KIF1C: variants seen among roughly 807,000 people sequenced by gnomAD.
KIF1C encodes the protein kinesin-like protein KIF1C.
KIF1C carries 61 observed loss-of-function variants against 126.5 expected under a neutral mutation model. The observed-to-expected ratio is 0.48, with a 90% CI of 0.39 to 0.60. KIF1C has a LOEUF of 0.60. Among genes scored for constraint, KIF1C ranks in the 20% least tolerant of loss-of-function variants. KIF1C has a pLI of 0.00. For missense variants in KIF1C, 1,315 were observed against 1,489.2 expected (o/e 0.88, Z 1.93); for synonymous variants, 640 against 580.6 (o/e 1.10, Z -1.47).
rs908878176 is a variant in KIF1C, at chr17:5,022,683, A to G, written c.2602A>G (p.Met868Val). ...LQALRDRMLR[M>V]ERVIPLAQDH... ...GGCCCTGCGGGACCGCATGCTCCGC[A>G]TGGAGAGGGTCATCCCCCTGGCCCA... The change falls in exon 22 of 23, where the codon ATG becomes GTG. Residue 868 changes from methionine to valine, a missense_variant. By Grantham distance (21) the Met-to-Val change is conservative (BLOSUM62 1). Coordinates refer to ENST00000320785, the MANE Select transcript of KIF1C (RefSeq NM_006612.6). The surrounding 1 kb of genome is among the most constrained non-coding windows in gnomAD (Gnocchi z 4.9). 6.4e-7 allele frequency: 1 copy of G among 1,566,988 alleles called. No individual in the cohort carries two copies. The highest frequency in any genetic ancestry group is 1.2e-5 in the South Asian group (1 of 83,170).
intron 13 of KIF1C, among the ~76,000 whole-genome samples, chr17:5,005,898 T>A (rs1974719107): frequency 6.6e-6 from 1 of 151,818 alleles, no homozygotes; most frequent in South Asian, 2.1e-4. Flanking sequence ...GGCTAATTTT[T>A]GTATTTTTAG....
Position 5,007,452 on chromosome 17 carries a change from C to T in KIF1C, c.1416-15C>T, listed in dbSNP as rs766264840. 8.1e-6 allele frequency: 13 copies of T among 1,602,708 alleles called. No individual in the cohort carries two copies. The East Asian group carries it at 1.3e-4, about 17-fold the overall frequency. ...GTGAAGGTAAGACTGACATTTGCCT[C>T]TCCTCTGCCCACAGAGAAGCATTGC... On this transcript the variant is annotated splice_polypyrimidine_tract_variant and intron_variant, in intron 15 of 22. Coordinates refer to ENST00000320785, the MANE Select transcript of KIF1C (RefSeq NM_006612.6).
intron 17 of KIF1C, chr17:5,014,221 G>T: frequency 5.8e-6 from 1 of 172,458 alleles, no homozygotes; most frequent in Non-Finnish European, 1.2e-5. Context: ...GTCCTTGGTA[G>T]TCATCTTGGG....
intron 18 of KIF1C, among the ~76,000 whole-genome samples, chr17:5,016,833 G>C (rs1974981286): frequency 6.6e-6 from 1 of 151,138 alleles, no homozygotes; most frequent in Non-Finnish European, 1.5e-5. Context: ...TTGAACCTGG[G>C]AAGTGGAGGT....
At chr17:5,012,948 T>C (rs535692151) in intron 16 of KIF1C, among the ~76,000 whole-genome samples, 1 of 152,188 alleles carries the variant, frequency 6.6e-6, no homozygotes, top group African/African-American at 2.4e-5. Context: ...CAGGATGGAC[T>C]TGGCTGGGGG....
chr17:5,011,325 G>A (rs1278225126), intron 16 of KIF1C, among the ~76,000 whole-genome samples: 1 of 152,172 alleles, frequency 6.6e-6, no homozygotes, highest in Non-Finnish European at 1.5e-5. Flanking sequence ...CACCACCAGG[G>A]CTAAGGATTG....
rs753249003 is a variant in KIF1C at position 5,002,859 on chromosome 17, C to A, written c.720+17C>A. Reference sequence around the variant, plus strand: ...TCGGAGAAGGTGGGATCGCCCCCCCCCCCACTCCCCCACCGGATGCAACCT... The same window carrying A: ...TCGGAGAAGGTGGGATCGCCCCCCCACCCACTCCCCCACCGGATGCAACCT... On this transcript the variant is annotated intron_variant, in intron 8 of 22. Transcript: ENST00000320785. 2 of 1,578,402 alleles carry A rather than the reference C, an allele frequency of 1.3e-6. No individual in the cohort carries two copies. Among genetic ancestry groups the A allele is most frequent in the Non-Finnish European group, 1.7e-6 (2 of 1,152,506 alleles).
In KIF1C at chr17:5,003,637, T is replaced by C; in HGVS notation, c.746T>C (p.Leu249Pro). The change falls in exon 9 of 23, where the codon CTT becomes CCT. Residue 249 changes from leucine to proline, a missense_variant. Physicochemically the swap from Leu to Pro is moderately conservative, Grantham distance 98. This residue lies in a region of KIF1C where 874 missense variants were observed against 1,053.2 expected (regional missense o/e 0.83). Transcript: ENST00000320785. ...EKVSKISLVDLAGSERADSSG... is the reference protein window; with the variant it reads ...EKVSKISLVDPAGSERADSSG... ...GTCAGTAAGATCAGTTTGGTGGACC[T>C]TGCTGGGAGTGAGCGAGCCGACTCC... 2 of 1,613,690 alleles carry C rather than the reference T, an allele frequency of 1.2e-6. No individual in the cohort carries two copies. The highest frequency in any genetic ancestry group is 8.5e-7 in the Non-Finnish European group (1 of 1,179,826).
intron 17 of KIF1C, among the ~76,000 whole-genome samples, chr17:5,014,009 CT>C (rs1417629402): frequency 7.2e-5 from 11 of 152,340 alleles, no homozygotes; most frequent in Non-Finnish European, 1.6e-4. Flanking sequence ...TTCTTAGACC[CT>C]GATGCCATTG....
At chr17:5,007,217 T>A in intron 14 of KIF1C, 46 bp from the exon 15 acceptor site, 1 of 1,583,422 alleles carries the variant, frequency 6.3e-7, no homozygotes, top group Non-Finnish European at 8.6e-7. Flanking sequence ...ACCCTGGGTC[T>A]GCTTGTCCCA....
Position 5,023,929 on chromosome 17 carries a change from C to A in KIF1C, c.3090C>A (p.Arg1030=). Residue 1030 remains arginine, a synonymous_variant, in exon 23 of 23, where the codon CGC becomes CGA. Transcript: ENST00000320785. This position sits in a 1 kb window ranked among gnomAD's most constrained non-coding sequence, Gnocchi z 4.2. The stretch of plus-strand genomic sequence containing the variant: ...GTCCCCGAAGGTCCCACCATCCCCG[C>A]AGGAACTCCCTGGATGGAGGGGGCC... ...PPSPRRSHHP[R]RNSLDGGGRS... 6.4e-7 allele frequency: 1 copy of A among 1,570,784 alleles called. No individual in the cohort carries two copies. The highest frequency in any genetic ancestry group is 8.6e-7 in the Non-Finnish European group (1 of 1,158,154).
In KIF1C at chr17:5,027,159, C is replaced by T. The variant is rs1482011551; in HGVS notation, c.*3008C>T. On this transcript the variant is annotated 3_prime_UTR_variant, in exon 23 of 23. Transcript: ENST00000320785. ...TTATTTATTTTTTGAGACGGAGTCT[C>T]GCTCTGTTGCCTAGGCTGGAGTGCG... The T allele has an allele frequency of 1.3e-5, 2 of 152,180 alleles. No homozygotes were observed. The highest frequency in any genetic ancestry group is 1.3e-4 in the Admixed American group (2 of 15,270). The allele number at this position is 152,180 out of a possible 1,614,324, so 9.4% of individuals were successfully genotyped here.
Position 5,020,989 on chromosome 17 carries a change from G to C in KIF1C, c.2010+111G>C, listed in dbSNP as rs1230972382. ...GAGTGGGAAATGGGCATGGGGGTAAGGGGAAGGGTCCAAGAGGAAAAAGCC... is the reference window on the plus strand; with the variant it reads ...GAGTGGGAAATGGGCATGGGGGTAACGGGAAGGGTCCAAGAGGAAAAAGCC... On this transcript the variant is annotated intron_variant, in intron 21 of 22. Transcript: ENST00000320785. The surrounding 1 kb of genome is among the most constrained non-coding windows in gnomAD (Gnocchi z 5.8). The C allele has an allele frequency of 6.5e-6, 6 of 919,962 alleles. No individual in the cohort carries two copies. The highest frequency in any genetic ancestry group is 1.6e-5 in the African/African-American group (1 of 60,778). The allele number at this position is 919,962 out of a possible 1,614,324, so 57.0% of individuals were successfully genotyped here.
At chr17:5,008,339 C>T (rs1004122018) in intron 16 of KIF1C, among the ~76,000 whole-genome samples, 14 of 133,066 alleles carry the variant, frequency 1.1e-4, no homozygotes, top group Non-Finnish European at 1.5e-4. Flanking sequence ...CCGGTGCATA[C>T]CAGTGAAGGG....
At chr17:5,010,715 C>G (rs1223557828) in intron 16 of KIF1C, among the ~76,000 whole-genome samples, 2 of 151,526 alleles carry the variant, frequency 1.3e-5, no homozygotes, top group African/African-American at 4.8e-5. Context: ...CCACTGCACT[C>G]CAGCCCAGGT....
In KIF1C at chr17:5,023,088, C is replaced by T. The variant is rs144771786; in HGVS notation, c.2628+379C>T. On this transcript the variant is annotated intron_variant, in intron 22 of 22. Transcript: ENST00000320785. The surrounding 1 kb of genome is among the most constrained non-coding windows in gnomAD (Gnocchi z 4.2). ...GGAGTGCAGTGGCACAATCTCGGCTCACTGCAACTTCCGCCTCCCAGGTTC... is the reference window on the plus strand; with the variant it reads ...GGAGTGCAGTGGCACAATCTCGGCTTACTGCAACTTCCGCCTCCCAGGTTC... Among the ~76,000 whole-genome samples the T allele has an allele frequency of 0.01, 1,558 of 152,336 alleles. 28 individuals carry two copies. Among genetic ancestry groups the T allele is most frequent in the African/African-American group, 0.036 (1,498 of 41,572 alleles).
chr17:5,027,251 C>G lies in KIF1C; in HGVS notation c.*3100C>G, dbSNP rs1397948266. The stretch of plus-strand genomic sequence containing the variant: ...TCAAGCGATTCTCCTGCCTCAGCCT[C>G]CTGAGTAGCTAGGATTACAGGCGCC... On this transcript the variant is annotated 3_prime_UTR_variant, in exon 23 of 23. Coordinates refer to ENST00000320785, the MANE Select transcript of KIF1C (RefSeq NM_006612.6). The G allele has an allele frequency of 6.6e-6, 1 of 152,252 alleles. No homozygotes were observed. Among genetic ancestry groups the G allele is most frequent in the African/African-American group, 2.4e-5 (1 of 41,446 alleles). 9.4% of individuals were successfully genotyped at this position (152,252 alleles called of 1,614,324 possible). A position where few individuals can be genotyped will look rare whatever the true frequency, so the allele number is the denominator to read the frequency against.
intron 6 of KIF1C, 41 bp downstream of exon 6, chr17:5,002,165 A>G (rs1366530123): frequency 6.4e-7 from 1 of 1,562,086 alleles, no homozygotes; most frequent in African/African-American, 1.4e-5. Context: ...AGGGGTCCAG[A>G]CTGCTGAGGG....
In KIF1C at chr17:5,024,124, C is replaced by T; in HGVS notation, c.3285C>T (p.Asp1095=). The change falls in exon 23 of 23, where the codon GAC becomes GAT. Residue 1095 remains aspartate, a synonymous_variant. Coordinates refer to ENST00000320785, the MANE Select transcript of KIF1C (RefSeq NM_006612.6). ...PRMRRQRSAP[D]LKESGAAV ...TGAGACGGCAGCGTTCTGCCCCTGACCTCAAGGAGAGTGGGGCAGCTGTGT... is the reference window on the plus strand; with the variant it reads ...TGAGACGGCAGCGTTCTGCCCCTGATCTCAAGGAGAGTGGGGCAGCTGTGT... 1.2e-6 allele frequency: 2 copies of T among 1,610,564 alleles called. No individual in the cohort carries two copies. The highest frequency in any genetic ancestry group is 2.2e-5 in the East Asian group (1 of 44,624).
Sources: allele counts gnomAD v4.1 joint callset (sites outside exome capture counted in the v4.1 genomes callset), GRCh38; gene constraint gnomAD v4.1.1; regional missense constraint gnomAD v4.1.1; non-coding constraint Gnocchi (gnomAD v3.1); transcripts MANE v1.5; gene names NCBI Gene and HGNC (gene_info 2026-07-23, HGNC 2026-07-21).